The following GALNS variants were observed in gnomAD, a reference collection of about 807,000 sequenced individuals.
The protein encoded by GALNS is galactosamine (N-acetyl)-6-sulfatase.
In GALNS, 65 loss-of-function variants were observed where a neutral mutation model predicts 65.9. That is an observed-to-expected ratio of 0.99 (90% CI 0.81 to 1.21). The LOEUF is 1.21. Among genes scored for constraint, GALNS ranks in the 50% most tolerant of loss-of-function variants. The probability of loss-of-function intolerance (pLI) is 0.00; values close to 1 mark genes in which losing one functional copy is unlikely to be tolerated. For missense variants in GALNS, 776 were observed against 700.7 expected (o/e 1.11, Z -1.21); for synonymous variants, 346 against 288.9 (o/e 1.20, Z -2.00).
chr16:88,827,163 C>G, intron 9 of GALNS: 1 of 473,932 alleles, frequency 2.1e-6, no homozygotes, highest in Non-Finnish European at 3.9e-6. Context: ...GAGGATCAGC[C>G]TCGCTCTAAC....
chr16:88,821,615 G>A (rs1462195431), intron 12 of GALNS, among the ~76,000 whole-genome samples: 2 of 152,172 alleles, frequency 1.3e-5, no homozygotes, highest in African/African-American at 4.8e-5. Flanking sequence ...GCTCAGCCCC[G>A]TGGGAAGGCG....
rs576222273 is a variant in GALNS, at chr16:88,824,942, C to T, written c.1140-73G>A. 1.2e-5 allele frequency: 15 copies of T among 1,218,084 alleles called. 1 individual carries two copies. Among genetic ancestry groups the T allele is most frequent in the East Asian group, 4.7e-5 (2 of 42,734 alleles). The allele number at this position is 1,218,084 out of a possible 1,614,324, so 75.5% of individuals were successfully genotyped here. ...GGGGCCACCTGGAGGCTCTGGGCTG[C>T]GTCTGTCATCAGTGGCTCATGCCTC... On this transcript the variant is annotated intron_variant, in intron 10 of 13. Transcript: ENST00000268695.
At chr16:88,821,322 A>AC (rs372083402) in intron 12 of GALNS, among the ~76,000 whole-genome samples, 22 of 152,160 alleles carry the variant, frequency 1.4e-4, no homozygotes, top group African/African-American at 5.1e-4. Context: ...CGTGGCCTTC[A>AC]CCATGTCTGT....
intron 1 of GALNS, chr16:88,856,378 A>G (rs1967880925): frequency 1.1e-5 from 8 of 701,300 alleles, no homozygotes; most frequent in South Asian, 1.0e-4. Flanking sequence ...CTGCGCGCCC[A>G]CCTTTCCCAA....
At chr16:88,851,145 G>T (rs953901299) in intron 1 of GALNS, among the ~76,000 whole-genome samples, 1 of 152,172 alleles carries the variant, frequency 6.6e-6, no homozygotes, top group Non-Finnish European at 1.5e-5. Context: ...CCTGCAGAGT[G>T]AGCAGGTTAC....
intron 1 of GALNS, among the ~76,000 whole-genome samples, chr16:88,848,850 C>T (rs368216700): frequency 3.9e-4 from 60 of 152,316 alleles, no homozygotes; most frequent in Non-Finnish European, 6.9e-4. Flanking sequence ...CCGCTCTGGG[C>T]GCACGTGGGT....
At chr16:88,846,375 G>A (rs1330662125) in intron 1 of GALNS, among the ~76,000 whole-genome samples, 1 of 152,158 alleles carries the variant, frequency 6.6e-6, no homozygotes, top group African/African-American at 2.4e-5. Context: ...CACAGCCATG[G>A]GCTCCGGACG....
intron 12 of GALNS, among the ~76,000 whole-genome samples, chr16:88,818,711 G>C (rs974041533): frequency 1.3e-5 from 2 of 152,250 alleles, no homozygotes; most frequent in African/African-American, 4.8e-5. Flanking sequence ...TTGGGTCCAC[G>C]GCGCCGTCAT....
intron 3 of GALNS, 138 bp downstream of exon 3, chr16:88,841,759 T>C: frequency 1.3e-6 from 1 of 781,326 alleles, no homozygotes; most frequent in South Asian, 1.5e-5. Flanking sequence ...CACTTCCACC[T>C]AAGTCCCAGA....
intron 1 of GALNS, chr16:88,843,282 G>C (rs1967073236): frequency 8.5e-7 from 1 of 1,176,428 alleles, no homozygotes; most frequent in Non-Finnish European, 1.1e-6. Context: ...TCCCCCAGAA[G>C]CCCAGTTATC....
At chr16:88,843,368 C>A in intron 1 of GALNS, 1 of 488,230 alleles carries the variant, frequency 2.0e-6, no homozygotes, top group Non-Finnish European at 3.4e-6. Context: ...CGTCCACACG[C>A]AGGCCTGCAT....
intron 13 of GALNS, chr16:88,815,052 C>A (rs1909483272): frequency 1.0e-6 from 1 of 954,074 alleles, no homozygotes; most frequent in African/African-American, 2.2e-5. Flanking sequence ...TTTGATGTGT[C>A]CCCTGCCCAG....
intron 1 of GALNS, among the ~76,000 whole-genome samples, chr16:88,848,765 G>A (rs1003166493): frequency 2.6e-5 from 4 of 152,152 alleles, no homozygotes; most frequent in East Asian, 1.9e-4. Context: ...GGGGGCGGGG[G>A]TGGCAGCGTG....
At chr16:88,821,496 G>A (rs1462580566) in intron 12 of GALNS, among the ~76,000 whole-genome samples, 1 of 152,160 alleles carries the variant, frequency 6.6e-6, no homozygotes, top group Non-Finnish European at 1.5e-5. Context: ...CTGCCTTCCC[G>A]CAGTCACCAT....
chr16:88,850,027 T>G (rs1311667471), intron 1 of GALNS, among the ~76,000 whole-genome samples: 1 of 152,126 alleles, frequency 6.6e-6, no homozygotes, highest in African/African-American at 2.4e-5. Context: ...TGAGGGGGAC[T>G]GGCCACACAC....
intron 8 of GALNS, among the ~76,000 whole-genome samples, chr16:88,833,711 A>G (rs1911765616): frequency 6.6e-6 from 1 of 151,796 alleles, no homozygotes; most frequent in African/African-American, 2.4e-5. Flanking sequence ...CAGCCTCCCA[A>G]AGTGCTGGGA....
chr16:88,856,055 T>A (rs556704257), intron 1 of GALNS: 1 of 649,126 alleles, frequency 1.5e-6, no homozygotes, highest in African/African-American at 1.8e-5. Flanking sequence ...CGGTGACCCA[T>A]GCCCCAGGCA....
intron 10 of GALNS, 33 bp from the exon 11 acceptor site, chr16:88,824,902 C>A: frequency 6.3e-7 from 1 of 1,591,998 alleles, no homozygotes; most frequent in Non-Finnish European, 8.6e-7. Context: ...CATGTAATGA[C>A]AGGAAGGACA....
At chr16:88,842,635 C>A in intron 2 of GALNS, 71 bp downstream of exon 2, 2 of 1,578,646 alleles carry the variant, frequency 1.3e-6, no homozygotes. Flanking sequence ...AGAGTCAGGG[C>A]TGGAAGGACC....
Sources: allele counts gnomAD v4.1 joint callset (sites outside exome capture counted in the v4.1 genomes callset), GRCh38; gene constraint gnomAD v4.1.1; transcripts MANE v1.5; gene names NCBI Gene and HGNC (gene_info 2026-07-23, HGNC 2026-07-21).